The following TCF7L1 variants were observed in gnomAD, a reference collection of about 807,000 sequenced individuals.
TCF7L1 encodes transcription factor 7 like 1, also known as transcription factor 7-like 1.
In TCF7L1, 18 loss-of-function variants were observed where a neutral mutation model predicts 63.7. That is an observed-to-expected ratio of 0.28 (90% confidence interval 0.20 to 0.42). The LOEUF is 0.42. Ranked by LOEUF, TCF7L1 falls within the 10% of genes least tolerant of loss-of-function variation. The pLI is 1.00. For missense variants in TCF7L1, 654 were observed against 779.3 expected, an observed-to-expected ratio of 0.84 and a Z score of 1.91; for synonymous variants, 355 against 340.9, an observed-to-expected ratio of 1.04 and a Z score of -0.46.
chr2:85,264,729 G>A (rs1174297200), intron 3 of TCF7L1, among the ~76,000 whole-genome samples: 1 of 152,114 alleles, frequency 6.6e-6, no homozygotes, highest in African/African-American at 2.4e-5. Flanking sequence ...GCCTAGCCTG[G>A]ATGCTTGAAA....
At chr2:85,290,097 G>A (rs1681670546) in intron 4 of TCF7L1, among the ~76,000 whole-genome samples, 1 of 151,562 alleles carries the variant, frequency 6.6e-6, no homozygotes, top group Admixed American at 6.6e-5. Context: ...CCCTGCCTCA[G>A]CCTCCCAAGT....
chr2:85,305,220 T>C (rs780521283), intron 7 of TCF7L1, 40 bp from the exon 8 acceptor site: 2 of 1,613,984 alleles, frequency 1.2e-6, no homozygotes, highest in Non-Finnish European at 1.7e-6. Flanking sequence ...GTATCCAGCC[T>C]GAACCCCTCT....
chr2:85,258,134 C>T (rs1680765053), intron 3 of TCF7L1, among the ~76,000 whole-genome samples: 1 of 152,158 alleles, frequency 6.6e-6, no homozygotes, highest in Non-Finnish European at 1.5e-5. Context: ...AAAGGTTAGC[C>T]TGTATCATCA....
chr2:85,209,583 G>A (rs892150676), intron 3 of TCF7L1, among the ~76,000 whole-genome samples: 12 of 152,292 alleles, frequency 7.9e-5, no homozygotes, highest in African/African-American at 2.9e-4. Context: ...CCTGGAAAAT[G>A]CCAGGGCAGT....
At chr2:85,226,122 A>C (rs1425929722) in intron 3 of TCF7L1, among the ~76,000 whole-genome samples, 1 of 152,220 alleles carries the variant, frequency 6.6e-6, no homozygotes, top group African/African-American at 2.4e-5. Flanking sequence ...TCCAGGGATG[A>C]AGCCAACTTG....
In TCF7L1 at chr2:85,133,563, A is replaced by T; in HGVS notation, c.-122A>T. 5 of 238,714 alleles carry T rather than the reference A, an allele frequency of 2.1e-5. No homozygotes were observed. Among genetic ancestry groups the T allele is most frequent in the Non-Finnish European group, 3.3e-5 (5 of 149,492 alleles). The allele number at this position is 238,714 out of a possible 1,614,324, so 14.8% of individuals were successfully genotyped here. ...TTCCCGCGGGGCCACGCCCTGTCAA[A>T]CTTTGTTGCGGCGGCTAGCGCAGCG... On this transcript the variant is annotated 5_prime_UTR_variant, in exon 1 of 12. Coordinates refer to ENST00000282111, the MANE Select transcript of TCF7L1 (RefSeq NM_031283.3). This position sits in a 1 kb window ranked among gnomAD's most constrained non-coding sequence, Gnocchi z 4.4.
intron 3 of TCF7L1, among the ~76,000 whole-genome samples, chr2:85,217,396 A>G (rs1295320577): frequency 6.6e-6 from 1 of 152,234 alleles, no homozygotes; most frequent in African/African-American, 2.4e-5. Context: ...GTCTTTGTTT[A>G]AAGTGAATGA....
intron 3 of TCF7L1, among the ~76,000 whole-genome samples, chr2:85,219,307 C>A (rs1679789639): frequency 1.3e-5 from 2 of 152,092 alleles, no homozygotes; most frequent in African/African-American, 4.8e-5. Flanking sequence ...ATAAATGACA[C>A]ATTTGCGTAT....
intron 3 of TCF7L1, among the ~76,000 whole-genome samples, chr2:85,168,513 G>T (rs1412377929): frequency 6.6e-6 from 1 of 152,160 alleles, no homozygotes; most frequent in Non-Finnish European, 1.5e-5. Context: ...GGGAGTCATG[G>T]AGCTGGGTGC....
intron 3 of TCF7L1, among the ~76,000 whole-genome samples, chr2:85,169,387 G>C (rs1209756792): frequency 6.7e-6 from 1 of 150,242 alleles, no homozygotes; most frequent in Non-Finnish European, 1.5e-5. Context: ...ATGAGATGGA[G>C]TTTCGCTCTG....
rs1239166456 is a variant in TCF7L1 at position 85,302,334 on chromosome 2, T to G, written c.526-150T>G. On this transcript the variant is annotated intron_variant, in intron 4 of 11. Transcript: ENST00000282111. ...TCTCAAGTCCTGCTGCTCTGCTGTG[T>G]CCACTGCTGTCATCTCTCAGGGACT... is the stretch of plus-strand genomic sequence containing the variant. 55 of 1,040,812 alleles carry G rather than the reference T, an allele frequency of 5.3e-5. No individual in the cohort carries two copies. The East Asian group carries it at 1.3e-3, about 25-fold the overall frequency. The allele number at this position is 1,040,812 out of a possible 1,614,324, so 64.5% of individuals were successfully genotyped here.
chr2:85,223,307 T>G (rs755211928), intron 3 of TCF7L1, among the ~76,000 whole-genome samples: 44 of 152,318 alleles, frequency 2.9e-4, no homozygotes, highest in Non-Finnish European at 5.3e-4. Flanking sequence ...GTGATCCTCT[T>G]GCCTTAGCCT....
intron 3 of TCF7L1, among the ~76,000 whole-genome samples, chr2:85,157,802 G>T (rs1678183570): frequency 6.6e-6 from 1 of 152,232 alleles, no homozygotes. Context: ...AGGACCAGGG[G>T]AGCTGGGTAG....
At chr2:85,258,994 T>TTGGCC (rs1213307891) in intron 3 of TCF7L1, among the ~76,000 whole-genome samples, 2 of 152,342 alleles carry the variant, frequency 1.3e-5, no homozygotes, top group East Asian at 3.9e-4. Context: ...ATCCCACCTC[T>TTGGCC]TGGCCTAACT....
intron 3 of TCF7L1, among the ~76,000 whole-genome samples, chr2:85,250,634 G>A (rs1380897601): frequency 3.9e-5 from 6 of 151,980 alleles, no homozygotes; most frequent in African/African-American, 7.3e-5. Context: ...ACAGGGTTTC[G>A]CCATGTTGGC....
At chr2:85,304,699 C>T (rs1682063750) in intron 7 of TCF7L1, among the ~76,000 whole-genome samples, 1 of 152,200 alleles carries the variant, frequency 6.6e-6, no homozygotes, top group South Asian at 2.1e-4. Flanking sequence ...AGAATATTTG[C>T]AACATATGAT....
At chr2:85,307,485 G>T (rs1329482788) in intron 10 of TCF7L1, among the ~76,000 whole-genome samples, 157 bp from the exon 11 acceptor site, 1 of 152,084 alleles carries the variant, frequency 6.6e-6, no homozygotes, top group East Asian at 1.9e-4. Flanking sequence ...CTCCTCACGG[G>T]CTCCCACGGC....
chr2:85,248,608 G>A lies in TCF7L1; in HGVS notation c.442-34887G>A, dbSNP rs574692320. On this transcript the variant is annotated intron_variant, in intron 3 of 11. Transcript: ENST00000282111. ...CAACATTTGTTTAATTTTTATCGTT[G>A]TGGGGCCTTTTGGGAGGGAGGAAGA... Among the ~76,000 whole-genome samples the A allele has an allele frequency of 2.6e-5, 4 of 152,282 alleles. No individual in the cohort carries two copies. The South Asian group carries it at 8.3e-4, about 32-fold the overall frequency.
chr2:85,166,020 A>G (rs1678409214), intron 3 of TCF7L1, among the ~76,000 whole-genome samples: 1 of 152,216 alleles, frequency 6.6e-6, no homozygotes, highest in South Asian at 2.1e-4. Context: ...TCAGATACAG[A>G]GCTGTTTTAT....
Sources: gnomAD v4.1 joint callset for allele counts (sites outside exome capture counted in the v4.1 genomes callset) on GRCh38, gnomAD v4.1.1 for gene constraint, Gnocchi (gnomAD v3.1) non-coding constraint, MANE v1.5 for transcripts, NCBI Gene and HGNC (gene_info 2026-07-23, HGNC 2026-07-21) for gene names.